PPP1R14C: variants seen among roughly 807,000 people sequenced by gnomAD.
PPP1R14C encodes the protein protein phosphatase 1 regulatory inhibitor subunit 14C.
Under a neutral mutation model 20.4 loss-of-function variants are expected in PPP1R14C, and 16 were observed. The ratio of observed to expected loss-of-function variants is 0.78; its 90% CI spans 0.53 to 1.19. The LOEUF (loss-of-function observed/expected upper bound fraction) is 1.19. Among genes scored for constraint, PPP1R14C ranks in the 50% most tolerant of loss-of-function variants. The pLI, the probability that PPP1R14C is intolerant of heterozygous loss-of-function variation, is 0.00. For missense variants in PPP1R14C, 211 were observed against 220.1 expected (o/e 0.96, Z 0.26); for synonymous variants, 91 against 91.0 (o/e 1.00, Z 0.00).
At chr6:150,238,590 C>T (rs1342252342) in intron 3 of PPP1R14C, among the ~76,000 whole-genome samples, 1 of 152,286 alleles carries the variant, frequency 6.6e-6, no homozygotes, top group African/African-American at 2.4e-5. Flanking sequence ...CCCGTTCACC[C>T]CCAGCTGCAG....
intron 1 of PPP1R14C, among the ~76,000 whole-genome samples, chr6:150,174,721 T>G (rs575459601): frequency 6.6e-6 from 1 of 151,728 alleles, no homozygotes; most frequent in Admixed American, 6.6e-5. Flanking sequence ...TCCCAGCACT[T>G]TGGGAGGTGG....
chr6:150,217,761 T>C (rs1778113451), intron 3 of PPP1R14C, among the ~76,000 whole-genome samples: 1 of 152,166 alleles, frequency 6.6e-6, no homozygotes, highest in South Asian at 2.1e-4. Flanking sequence ...TTGGAGAAAT[T>C]ATAAGATCCG....
intron 3 of PPP1R14C, among the ~76,000 whole-genome samples, chr6:150,235,494 T>G (rs918303517): frequency 3.9e-5 from 6 of 152,222 alleles, no homozygotes; most frequent in African/African-American, 1.4e-4. Context: ...TTATTGTTCT[T>G]AACTTATTCC....
rs200448500 is a variant in PPP1R14C, at chr6:150,143,340, G to C, written c.148G>C (p.Val50Leu). ...CTCCTCCCGGGAGGACTCGGCGCCCGTGGCCACGGCGGCCGCTGCAGGGCA... is the reference window on the plus strand; with the variant it reads ...CTCCTCCCGGGAGGACTCGGCGCCCCTGGCCACGGCGGCCGCTGCAGGGCA... Reference protein sequence around the residue: ...SGSSREDSAPVATAAAAGQVQ... With the variant: ...SGSSREDSAPLATAAAAGQVQ... Residue 50 changes from valine to leucine, a missense_variant, in exon 1 of 4, where the codon GTG (valine) becomes CTG (leucine). Transcript: ENST00000361131. The surrounding 1 kb of genome is among the most constrained non-coding windows in gnomAD (Gnocchi z 5.6). 6.2e-7 allele frequency: 1 copy of C among 1,604,010 alleles called. No individual in the cohort carries two copies.
At chr6:150,170,473 C>T (rs1365319095) in intron 1 of PPP1R14C, among the ~76,000 whole-genome samples, 2 of 152,118 alleles carry the variant, frequency 1.3e-5, no homozygotes, top group African/African-American at 4.8e-5. Context: ...AGGCGACTGC[C>T]ACCATGCCTG....
chr6:150,205,713 A>T (rs1220812479), intron 1 of PPP1R14C, among the ~76,000 whole-genome samples: 1 of 151,412 alleles, frequency 6.6e-6, no homozygotes, highest in African/African-American at 2.4e-5. Flanking sequence ...AATCCCTTGA[A>T]CTTGGGAGGT....
At chr6:150,198,256 G>A (rs1190225639) in intron 1 of PPP1R14C, among the ~76,000 whole-genome samples, 12 of 146,950 alleles carry the variant, frequency 8.2e-5, no homozygotes, top group Admixed American at 1.3e-4. Flanking sequence ...TGCCTGCCAC[G>A]GTGGAGGAGG....
chr6:150,143,157 C>T lies in PPP1R14C; in HGVS notation c.-36C>T. 8.0e-7 allele frequency: 1 copy of T among 1,245,540 alleles called. No individual in the cohort carries two copies. Among genetic ancestry groups the T allele is most frequent in the Non-Finnish European group, 1.0e-6 (1 of 1,000,512 alleles). 77.2% of individuals were successfully genotyped at this position (1,245,540 alleles called of 1,614,324 possible). A position where few individuals can be genotyped will look rare whatever the true frequency, so the allele number is the denominator to read the frequency against. ...CGCCGGGCGCGCTCCGCCCGCCCCT[C>T]CTCCGGGCCGCACTGAGGCTCGGGC... On this transcript the variant is annotated 5_prime_UTR_variant, in exon 1 of 4. Coordinates refer to ENST00000361131, the MANE Select transcript of PPP1R14C (RefSeq NM_030949.3). This position sits in a 1 kb window ranked among gnomAD's most constrained non-coding sequence, Gnocchi z 5.6.
At chr6:150,169,970 A>C (rs1777478843) in intron 1 of PPP1R14C, among the ~76,000 whole-genome samples, 1 of 152,190 alleles carries the variant, frequency 6.6e-6, no homozygotes, top group Non-Finnish European at 1.5e-5. Flanking sequence ...TCCATGTGCT[A>C]TTTCGGTTTC....
chr6:150,162,116 G>A (rs528808381), intron 1 of PPP1R14C, among the ~76,000 whole-genome samples: 14 of 148,408 alleles, frequency 9.4e-5, no homozygotes, highest in African/African-American at 3.5e-4. Flanking sequence ...GTGCAGTGGT[G>A]TGATCTGAGC....
intron 3 of PPP1R14C, among the ~76,000 whole-genome samples, chr6:150,225,117 A>C (rs1030209949): frequency 6.6e-6 from 1 of 152,004 alleles, no homozygotes; most frequent in African/African-American, 2.4e-5. Flanking sequence ...GTTTCTCCTC[A>C]GGACAGATCT....
intron 1 of PPP1R14C, among the ~76,000 whole-genome samples, chr6:150,204,303 C>T (rs1368271211): frequency 2.6e-5 from 4 of 152,200 alleles, no homozygotes; most frequent in South Asian, 2.1e-4. Flanking sequence ...ACCAGCTGTG[C>T]GTGTTTAGTG....
At chr6:150,144,884 G>T (rs1267508949) in intron 1 of PPP1R14C, among the ~76,000 whole-genome samples, 1 of 152,178 alleles carries the variant, frequency 6.6e-6, no homozygotes, top group East Asian at 1.9e-4. Context: ...ATAGGAAGTT[G>T]GCAAAACTCT....
chr6:150,155,242 T>C (rs1777293158), intron 1 of PPP1R14C, among the ~76,000 whole-genome samples: 1 of 152,228 alleles, frequency 6.6e-6, no homozygotes, highest in Non-Finnish European at 1.5e-5. Flanking sequence ...TGTCTCTTTA[T>C]AGTTAGTTTT....
chr6:150,228,537 G>A (rs1778255815), intron 3 of PPP1R14C, among the ~76,000 whole-genome samples: 1 of 152,172 alleles, frequency 6.6e-6, no homozygotes, highest in South Asian at 2.1e-4. Context: ...AAGCTAACCT[G>A]AGCCTGGGAG....
chr6:150,226,094 T>TTC lies in PPP1R14C; in HGVS notation c.423+9238_423+9239insTC, dbSNP rs1554221025. ...TGCCCCCATTTTGATTCATATTCAT[T>TTC]CCCCCCCCAAATCCATAGCTGACCT... On this transcript the variant is annotated intron_variant, in intron 3 of 3. Coordinates refer to ENST00000361131, the MANE Select transcript of PPP1R14C (RefSeq NM_030949.3). Among the ~76,000 whole-genome samples the TTC allele has an allele frequency of 2.7e-4, 41 of 150,674 alleles. 1 individual carries two copies. Among genetic ancestry groups the TTC allele is most frequent in the African/African-American group, 9.1e-4 (37 of 40,878 alleles).
At chr6:150,231,861 C>T (rs957756132) in intron 3 of PPP1R14C, among the ~76,000 whole-genome samples, 2 of 152,180 alleles carry the variant, frequency 1.3e-5, no homozygotes, top group East Asian at 3.8e-4. Flanking sequence ...TCTGTTCATA[C>T]ACTGTAATGT....
At chr6:150,213,694 A>T (rs1778055810) in intron 1 of PPP1R14C, among the ~76,000 whole-genome samples, 1 of 152,258 alleles carries the variant, frequency 6.6e-6, no homozygotes, top group African/African-American at 2.4e-5. Flanking sequence ...AGAGGTATAG[A>T]GAAGACTTAG....
intron 3 of PPP1R14C, among the ~76,000 whole-genome samples, chr6:150,229,426 A>G (rs1778267427): frequency 6.6e-6 from 1 of 152,230 alleles, no homozygotes; most frequent in African/African-American, 2.4e-5. Context: ...AAATGTAAAG[A>G]TTCTGAGACA....
Sources: gnomAD v4.1 joint callset for allele counts (sites outside exome capture counted in the v4.1 genomes callset) on GRCh38, gnomAD v4.1.1 for gene constraint, Gnocchi (gnomAD v3.1) non-coding constraint, MANE v1.5 for transcripts, NCBI Gene and HGNC (gene_info 2026-07-23, HGNC 2026-07-21) for gene names.